The following LOXL2 variants were observed in gnomAD, a reference collection of about 807,000 sequenced individuals.
LOXL2 encodes lysyl oxidase homolog 2.
A neutral mutation model predicts 93.0 loss-of-function variants in LOXL2; 70 were observed. That is an observed-to-expected ratio of 0.75 (90% CI 0.62 to 0.92). The LOEUF is 0.92. Among genes scored for constraint, LOXL2 ranks in the 40% least tolerant of loss-of-function variants. The pLI, the probability that LOXL2 is intolerant of heterozygous loss-of-function variation, is 0.00. For synonymous variants in LOXL2, 438 were observed against 413.2 expected, an observed-to-expected ratio of 1.06 and a Z score of -0.73; for missense variants, 973 against 1,054.9, an observed-to-expected ratio of 0.92 and a Z score of 1.08.
chr8:23,306,846 C>T (rs963607867), intron 10 of LOXL2, among the ~76,000 whole-genome samples: 10 of 152,230 alleles, frequency 6.6e-5, no homozygotes, highest in African/African-American at 2.4e-4. Flanking sequence ...AGTTGAGCAG[C>T]GGTGGCCCCA....
chr8:23,401,460 G>A (rs149429616), intron 1 of LOXL2, among the ~76,000 whole-genome samples: 245 of 152,150 alleles, frequency 1.6e-3, no homozygotes, highest in African/African-American at 5.8e-3. Flanking sequence ...AAATCACACT[G>A]AAATATGTAG....
At chr8:23,346,449 G>A (rs1297161297) in intron 3 of LOXL2, among the ~76,000 whole-genome samples, 2 of 152,140 alleles carry the variant, frequency 1.3e-5, no homozygotes, top group Admixed American at 6.5e-5. Context: ...CCCGTTCCTA[G>A]AAGGGAAAAC....
chr8:23,373,139 A>C (rs973195832), intron 1 of LOXL2, among the ~76,000 whole-genome samples: 1 of 152,182 alleles, frequency 6.6e-6, no homozygotes, highest in African/African-American at 2.4e-5. Flanking sequence ...TCCAGCTCAC[A>C]GTACTAAATT....
At chr8:23,299,005 G>C (rs1043667001) in intron 12 of LOXL2, 58 bp from the exon 13 acceptor site, 2 of 1,019,006 alleles carry the variant, frequency 2.0e-6, no homozygotes, top group Non-Finnish European at 3.1e-6. Context: ...CCTCCACCCA[G>C]GCCTGGGGCT....
chr8:23,391,465 C>T (rs554194505), intron 1 of LOXL2, among the ~76,000 whole-genome samples: 1 of 152,252 alleles, frequency 6.6e-6, no homozygotes, highest in African/African-American at 2.4e-5. Flanking sequence ...GGACAAAATC[C>T]AGGAGGCGTA....
intron 1 of LOXL2, chr8:23,402,778 A>AG (rs1012606928): frequency 6.0e-5 from 9 of 150,714 alleles, no homozygotes; most frequent in African/African-American, 2.0e-4. Flanking sequence ...TTCCTCTGGG[A>AG]GAAAAAAAAA....
At chr8:23,307,449 G>A (rs1171520078) in intron 10 of LOXL2, among the ~76,000 whole-genome samples, 2 of 152,124 alleles carry the variant, frequency 1.3e-5, no homozygotes, top group East Asian at 1.9e-4. Flanking sequence ...TAGACCACAG[G>A]AAAAGTGGGG....
At chr8:23,327,168 A>G (rs993209823) in intron 6 of LOXL2, among the ~76,000 whole-genome samples, 1 of 152,166 alleles carries the variant, frequency 6.6e-6, no homozygotes, top group African/African-American at 2.4e-5. Flanking sequence ...GTAAGAGCTG[A>G]CCCACTGCAG....
Position 23,297,704 on chromosome 8 carries a change from C to G in LOXL2, c.*339G>C, listed in dbSNP as rs1344102191. On this transcript the variant is annotated 3_prime_UTR_variant, in exon 14 of 14. Transcript: ENST00000389131. ...GGAGAAGAGCGCGGCTCCACTGTGTCTGTGGTGAGCTCGGTGGCTTGAATG... is the reference window on the plus strand; with the variant it reads ...GGAGAAGAGCGCGGCTCCACTGTGTGTGTGGTGAGCTCGGTGGCTTGAATG... 1 of 246,558 alleles carries G rather than the reference C, an allele frequency of 4.1e-6. No homozygotes were observed. The highest frequency in any genetic ancestry group is 7.9e-6 in the Non-Finnish European group (1 of 127,016). The allele number at this position is 246,558 out of a possible 1,614,324, so 15.3% of individuals were successfully genotyped here.
At chr8:23,327,888 G>A (rs765950072) in intron 6 of LOXL2, among the ~76,000 whole-genome samples, 1 of 152,300 alleles carries the variant, frequency 6.6e-6, no homozygotes, top group African/African-American at 2.4e-5. Flanking sequence ...GAGGACATCC[G>A]GAGGGCGGCT....
chr8:23,319,959 G>C lies in LOXL2; in HGVS notation c.1396C>G (p.Gln466Glu), dbSNP rs1803467786. Residue 466 changes from glutamine to glutamate, a missense_variant, in exon 8 of 14, where the codon CAA (glutamine) becomes GAA (glutamate). Gln to Glu is a conservative substitution (Grantham distance 29). Transcript: ENST00000389131. ...GSLVWGMVCGQNWGIVEAMVV... is the reference protein window; with the variant it reads ...GSLVWGMVCGENWGIVEAMVV... The stretch of plus-strand genomic sequence containing the variant: ...ATGGCCTCCACGATGCCCCAGTTTT[G>C]GCCACACACCATCCCCCACACAAGG... 3.7e-6 allele frequency: 6 copies of C among 1,614,028 alleles called. No homozygotes were observed. Among genetic ancestry groups the C allele is most frequent in the Non-Finnish European group, 4.2e-6 (5 of 1,179,962 alleles).
At chr8:23,346,621 G>GA (rs1803991490) in intron 3 of LOXL2, among the ~76,000 whole-genome samples, 1 of 152,194 alleles carries the variant, frequency 6.6e-6, no homozygotes, top group Non-Finnish European at 1.5e-5. Context: ...CGCCAATGAG[G>GA]AAAAATCACC....
chr8:23,388,745 C>T (rs1005470809), intron 1 of LOXL2, among the ~76,000 whole-genome samples: 3 of 151,608 alleles, frequency 2.0e-5, no homozygotes, highest in Non-Finnish European at 4.4e-5. Context: ...AAGGTGTCTT[C>T]TCATATACTG....
intron 10 of LOXL2, among the ~76,000 whole-genome samples, chr8:23,306,831 G>A (rs1210645313): frequency 2.6e-5 from 4 of 152,222 alleles, no homozygotes; most frequent in Non-Finnish European, 4.4e-5. Context: ...GTGGCACATC[G>A]TGCCAGTTGA....
chr8:23,360,412 T>C (rs1804270827), intron 2 of LOXL2, 147 bp from the exon 3 acceptor site: 1 of 595,636 alleles, frequency 1.7e-6, no homozygotes, highest in Non-Finnish European at 3.0e-6. Context: ...TATTAAGATA[T>C]TGCACATAAC....
chr8:23,367,411 T>G (rs2117212806), intron 2 of LOXL2, among the ~76,000 whole-genome samples: 1 of 152,260 alleles, frequency 6.6e-6, no homozygotes, highest in South Asian at 2.1e-4. Flanking sequence ...GAGGAAAGAA[T>G]AGGCTAACCA....
intron 3 of LOXL2, among the ~76,000 whole-genome samples, chr8:23,355,317 C>A (rs1056040627): frequency 1.3e-5 from 2 of 151,716 alleles, no homozygotes; most frequent in African/African-American, 4.8e-5. Context: ...CCATCTCCCC[C>A]CATATCTCTT....
intron 3 of LOXL2, among the ~76,000 whole-genome samples, chr8:23,346,915 G>C (rs1803999310): frequency 6.6e-6 from 1 of 152,226 alleles, no homozygotes; most frequent in Non-Finnish European, 1.5e-5. Flanking sequence ...GAATGCATGA[G>C]TGTCAACTCT....
chr8:23,317,587 C>T (rs573620068), intron 8 of LOXL2, among the ~76,000 whole-genome samples: 1 of 152,298 alleles, frequency 6.6e-6, no homozygotes, highest in Non-Finnish European at 1.5e-5. Flanking sequence ...TTGCATAGGT[C>T]AATCATTAGA....
Sources: allele counts gnomAD v4.1 joint callset (sites outside exome capture counted in the v4.1 genomes callset), GRCh38; gene constraint gnomAD v4.1.1; transcripts MANE v1.5; gene names NCBI Gene and HGNC (gene_info 2026-07-23, HGNC 2026-07-21).